The following IER3 variants were observed in gnomAD, a reference collection of about 807,000 sequenced individuals.
IER3 encodes the protein immediate early response 3.
IER3 carries 5 observed loss-of-function variants against 5.4 expected under a neutral mutation model. The observed-to-expected ratio is 0.92, with a 90% CI of 0.48 to 1.94. IER3 has a LOEUF of 1.94. Ranked by LOEUF, IER3 falls within the 30% of genes most tolerant of loss-of-function variation. The pLI is 0.01. For missense variants in IER3, 158 were observed against 218.2 expected (o/e 0.72, Z 1.74); for synonymous variants, 81 against 97.8 (o/e 0.83, Z 1.01).
In IER3 at chr6:30,744,305, T is replaced by C; in HGVS notation, c.210+4A>G. On this transcript the variant is annotated splice_donor_region_variant and intron_variant, in intron 1 of 1. Transcript: ENST00000259874. This position sits in a 1 kb window ranked among gnomAD's most constrained non-coding sequence, Gnocchi z 6.0. ...CCGCGAATGCCCACTTCGGCGATAC[T>C]CACCACTCGAGGGTAGAGAACCCTG... is the stretch of plus-strand genomic sequence containing the variant. 1 of 1,612,772 alleles carries C rather than the reference T, an allele frequency of 6.2e-7. No individual in the cohort carries two copies. Among genetic ancestry groups the C allele is most frequent in the Non-Finnish European group, 8.5e-7 (1 of 1,179,984 alleles).
In IER3 at chr6:30,744,361, C is replaced by T; in HGVS notation, c.158G>A (p.Ser53Asn). 1 of 1,609,364 alleles carries T rather than the reference C, an allele frequency of 6.2e-7. No homozygotes were observed. The highest frequency in any genetic ancestry group is 8.5e-7 in the Non-Finnish European group (1 of 1,178,834). The change falls in exon 1 of 2, where the codon AGC (serine) becomes AAC (asparagine). Residue 53 changes from serine (S) to asparagine (N), a missense_variant. Transcript: ENST00000259874. This position sits in a 1 kb window ranked among gnomAD's most constrained non-coding sequence, Gnocchi z 6.0. Reference protein sequence around the residue: ...EPAAAPAGRPSASRGHRKRSR... With the variant: ...EPAAAPAGRPNASRGHRKRSR... ...GCGCTTTCGGTGCCCGCGAGAGGCG[C>T]TGGGGCGCCCGGCAGGGGCCGCTGC...
rs1294407765 is a variant in IER3, at chr6:30,744,527, G to C, written c.-9C>G. On this transcript the variant is annotated 5_prime_UTR_variant, in exon 1 of 2. Coordinates refer to ENST00000259874, the MANE Select transcript of IER3 (RefSeq NM_003897.4). This position sits in a 1 kb window ranked among gnomAD's most constrained non-coding sequence, Gnocchi z 6.0. ...CTGCGAGAGTGACACATGGTGAGCC[G>C]AGCGGAGTGTAAGGCCAAGTGAGGG... is the stretch of plus-strand genomic sequence containing the variant. 1 of 1,476,526 alleles carries C rather than the reference G, an allele frequency of 6.8e-7. No individual in the cohort carries two copies. The highest frequency in any genetic ancestry group is 9.0e-7 in the Non-Finnish European group (1 of 1,116,850). 91.5% of individuals were successfully genotyped at this position (1,476,526 alleles called of 1,614,324 possible).
Position 30,743,979 on chromosome 6 carries a change from A to C in IER3, c.428T>G (p.Leu143Arg). The change falls in exon 2 of 2, where the codon CTG becomes CGG. Residue 143 changes from leucine to arginine, a missense_variant. Physicochemically the swap from Leu to Arg is moderately radical, Grantham distance 102. Coordinates refer to ENST00000259874, the MANE Select transcript of IER3 (RefSeq NM_003897.4). The surrounding 1 kb of genome is among the most constrained non-coding windows in gnomAD (Gnocchi z 6.5). ...NLTSEPSDYA[L>R]DLSTFLQQHP... is the part of the protein sequence containing the mutation. ...TTGCTGGAGGAAAGTGCTGAGGTCCAGAGCGTAGTCCGAGGGCTCCGAAGT... is the reference window on the plus strand; with the variant it reads ...TTGCTGGAGGAAAGTGCTGAGGTCCCGAGCGTAGTCCGAGGGCTCCGAAGT... The C allele has an allele frequency of 6.2e-7, 1 of 1,613,978 alleles. No homozygotes were observed. Among genetic ancestry groups the C allele is most frequent in the Non-Finnish European group, 8.5e-7 (1 of 1,180,002 alleles).
chr6:30,743,675 T>G lies in IER3; in HGVS notation c.*261A>C. 1.8e-6 allele frequency: 1 copy of G among 547,674 alleles called. No homozygotes were observed. The highest frequency in any genetic ancestry group is 3.2e-5 in the East Asian group (1 of 31,596). 33.9% of individuals were successfully genotyped at this position (547,674 alleles called of 1,614,324 possible). A position where few individuals can be genotyped will look rare whatever the true frequency, so the allele number is the denominator to read the frequency against. On this transcript the variant is annotated 3_prime_UTR_variant, in exon 2 of 2. Transcript: ENST00000259874. The surrounding 1 kb of genome is among the most constrained non-coding windows in gnomAD (Gnocchi z 6.5). ...GTACATAAATACATATAAATATTAA[T>G]TAGGAGCAATAAGAAATAAATTAAC...
In IER3 at chr6:30,743,594, AC is replaced by A; in HGVS notation, c.*341del. On this transcript the variant is annotated 3_prime_UTR_variant, in exon 2 of 2. Transcript: ENST00000259874. The surrounding 1 kb of genome is among the most constrained non-coding windows in gnomAD (Gnocchi z 6.5). ...ATTTACAGCAGGGGGAACATCTCAC[AC>A]CCTTGCATAAGTTAAAATAAATATT... The A allele has an allele frequency of 5.4e-6, 2 of 373,716 alleles. No individual in the cohort carries two copies. The highest frequency in any genetic ancestry group is 9.5e-6 in the Non-Finnish European group (2 of 210,348). The allele number at this position is 373,716 out of a possible 1,614,324, so 23.1% of individuals were successfully genotyped here.
Position 30,743,706 on chromosome 6 carries a change from T to C in IER3, c.*230A>G. On this transcript the variant is annotated 3_prime_UTR_variant, in exon 2 of 2. Coordinates refer to ENST00000259874, the MANE Select transcript of IER3 (RefSeq NM_003897.4). This position sits in a 1 kb window ranked among gnomAD's most constrained non-coding sequence, Gnocchi z 6.5. ...GCAATAAGAAATAAATTAACGACGC[T>C]CTCCTTCCCACCGGGCCTAGCCCCA... 1.8e-6 allele frequency: 1 copy of C among 564,092 alleles called. No homozygotes were observed. The highest frequency in any genetic ancestry group is 3.1e-6 in the Non-Finnish European group (1 of 325,814). The allele number at this position is 564,092 out of a possible 1,614,324, so 34.9% of individuals were successfully genotyped here.
At position 30,743,581 on chromosome 6, in the gene IER3, G is replaced by A. The variant is rs1378003862; in HGVS notation, c.*355C>T. 2.5e-5 allele frequency: 8 copies of A among 314,198 alleles called. No homozygotes were observed. The highest frequency in any genetic ancestry group is 4.6e-5 in the Non-Finnish European group (8 of 173,646). The allele number at this position is 314,198 out of a possible 1,614,324, so 19.5% of individuals were successfully genotyped here. A position where few individuals can be genotyped will look rare whatever the true frequency, so the allele number is the denominator to read the frequency against. On this transcript the variant is annotated 3_prime_UTR_variant, in exon 2 of 2. Coordinates refer to ENST00000259874, the MANE Select transcript of IER3 (RefSeq NM_003897.4). This position sits in a 1 kb window ranked among gnomAD's most constrained non-coding sequence, Gnocchi z 6.5. ...CCAAGAGACCTGCATTTACAGCAGG[G>A]GGAACATCTCACACCCTTGCATAAG... is the stretch of plus-strand genomic sequence containing the variant.
chr6:30,744,077 A>G lies in IER3; in HGVS notation c.330T>C (p.Pro110=), dbSNP rs765163179. Residue 110 remains proline, a synonymous_variant, in exon 2 of 2, where the codon CCT becomes CCC. Transcript: ENST00000259874. The surrounding 1 kb of genome is among the most constrained non-coding windows in gnomAD (Gnocchi z 6.0). The stretch of plus-strand genomic sequence containing the variant: ...ATGCGGCGTTAGGGGCGTCCTCTGG[A>G]GGCAGGGGCGCCGGCACACCCTCTT... ...MAEEGVPAPL[P]PEDAPNAASL... 1.2e-6 allele frequency: 2 copies of G among 1,614,062 alleles called. No homozygotes were observed. Among genetic ancestry groups the G allele is most frequent in the South Asian group, 2.2e-5 (2 of 91,080 alleles).
At position 30,743,439 on chromosome 6, in the gene IER3, C is replaced by G. The variant is rs1778170720; in HGVS notation, c.*497G>C. The G allele has an allele frequency of 6.0e-6, 1 of 165,916 alleles. No homozygotes were observed. The highest frequency in any genetic ancestry group is 1.3e-5 in the Non-Finnish European group (1 of 77,544). The allele number at this position is 165,916 out of a possible 1,614,324, so 10.3% of individuals were successfully genotyped here. On this transcript the variant is annotated 3_prime_UTR_variant, in exon 2 of 2. Transcript: ENST00000259874. The surrounding 1 kb of genome is among the most constrained non-coding windows in gnomAD (Gnocchi z 6.5). The stretch of plus-strand genomic sequence containing the variant: ...CACCTCCTAAACTTACGACCCACCA[C>G]CAGACTTCATCCCAGCCGGGACGTC...
Position 30,744,095 on chromosome 6 carries a change from A to G in IER3, c.312T>C (p.Gly104=). 6.2e-7 allele frequency: 1 copy of G among 1,613,868 alleles called. No homozygotes were observed. The highest frequency in any genetic ancestry group is 8.5e-7 in the Non-Finnish European group (1 of 1,179,928). Residue 104 remains glycine (G), a synonymous_variant, in exon 2 of 2, where the codon GGT becomes GGC. Coordinates refer to ENST00000259874, the MANE Select transcript of IER3 (RefSeq NM_003897.4). This position sits in a 1 kb window ranked among gnomAD's most constrained non-coding sequence, Gnocchi z 6.0. The part of the protein sequence containing the change: ...VFCQILMAEE[G]VPAPLPPEDA... ...CCTCTGGAGGCAGGGGCGCCGGCAC[A>G]CCCTCTTCAGCCATCAGGATCTGGC...
chr6:30,743,849 G>A lies in IER3; in HGVS notation c.*87C>T, dbSNP rs1778200736. 1.3e-6 allele frequency: 2 copies of A among 1,553,906 alleles called. No homozygotes were observed. The highest frequency in any genetic ancestry group is 8.7e-7 in the Non-Finnish European group (1 of 1,151,758). On this transcript the variant is annotated 3_prime_UTR_variant, in exon 2 of 2. Transcript: ENST00000259874. This position sits in a 1 kb window ranked among gnomAD's most constrained non-coding sequence, Gnocchi z 6.5. ...AGTTCAAGTTGCCTCGGAAGTCCCAGTTGGGGATACGCTCTCGCGCACCAG... is the reference window on the plus strand; with the variant it reads ...AGTTCAAGTTGCCTCGGAAGTCCCAATTGGGGATACGCTCTCGCGCACCAG...
chr6:30,743,585 A>C lies in IER3; in HGVS notation c.*351T>G. 1 of 317,102 alleles carries C rather than the reference A, an allele frequency of 3.2e-6. No homozygotes were observed. 19.6% of individuals were successfully genotyped at this position (317,102 alleles called of 1,614,324 possible). ...GAGACCTGCATTTACAGCAGGGGGAACATCTCACACCCTTGCATAAGTTAA... is the reference window on the plus strand; with the variant it reads ...GAGACCTGCATTTACAGCAGGGGGACCATCTCACACCCTTGCATAAGTTAA... On this transcript the variant is annotated 3_prime_UTR_variant, in exon 2 of 2. Coordinates refer to ENST00000259874, the MANE Select transcript of IER3 (RefSeq NM_003897.4). The surrounding 1 kb of genome is among the most constrained non-coding windows in gnomAD (Gnocchi z 6.5).
At position 30,744,130 on chromosome 6, in the gene IER3, T is replaced by C. The variant is rs894913242; in HGVS notation, c.277A>G (p.Ile93Val). The part of the protein sequence containing the change: ...AKRLLFLLLT[I>V]VFCQILMAEE... ...GCCATCAGGATCTGGCAGAAGACGA[T>C]GGTGAGCAGCAGAAAGAGAAGCCTT... Residue 93 changes from isoleucine to valine, a missense_variant, in exon 2 of 2, where the codon ATC (isoleucine) becomes GTC (valine). By Grantham distance (29) the Ile-to-Val change is conservative. Coordinates refer to ENST00000259874, the MANE Select transcript of IER3 (RefSeq NM_003897.4). This position sits in a 1 kb window ranked among gnomAD's most constrained non-coding sequence, Gnocchi z 6.0. 2.5e-6 allele frequency: 4 copies of C among 1,613,876 alleles called. No individual in the cohort carries two copies. Among genetic ancestry groups the C allele is most frequent in the Admixed American group, 1.7e-5 (1 of 59,986 alleles).
chr6:30,744,135 A>T lies in IER3; in HGVS notation c.272T>A (p.Leu91His). 1 of 1,614,034 alleles carries T rather than the reference A, an allele frequency of 6.2e-7. No homozygotes were observed. Among genetic ancestry groups the T allele is most frequent in the Non-Finnish European group, 8.5e-7 (1 of 1,180,012 alleles). Residue 91 changes from leucine (L) to histidine (H), a missense_variant, in exon 2 of 2, where the codon CTC (leucine) becomes CAC (histidine). Physicochemically the swap from Leu to His is moderately conservative, Grantham distance 99. Transcript: ENST00000259874. The surrounding 1 kb of genome is among the most constrained non-coding windows in gnomAD (Gnocchi z 6.0). Reference protein sequence around the residue: ...NPAKRLLFLLLTIVFCQILMA... With the variant: ...NPAKRLLFLLHTIVFCQILMA... ...CAGGATCTGGCAGAAGACGATGGTG[A>T]GCAGCAGAAAGAGAAGCCTTTTGGC... is the stretch of plus-strand genomic sequence containing the variant.
chr6:30,743,945 G>A lies in IER3; in HGVS notation c.462C>T (p.Ala154=), dbSNP rs764316095. The change falls in exon 2 of 2, where the codon GCC becomes GCT. Residue 154 remains alanine (A), a synonymous_variant. Transcript: ENST00000259874. The surrounding 1 kb of genome is among the most constrained non-coding windows in gnomAD (Gnocchi z 6.5). ...GTGCGGGGAGTCACAGTTAGAAGGC[G>A]GCCGGGTGTTGCTGGAGGAAAGTGC... ...DLSTFLQQHP[A]AF is the part of the protein sequence containing the mutation. 2.5e-6 allele frequency: 4 copies of A among 1,611,290 alleles called. No individual in the cohort carries two copies. In the South Asian group the frequency reaches 3.3e-5, roughly 13 times the overall value.
chr6:30,744,340 T>C lies in IER3; in HGVS notation c.179A>G (p.Lys60Arg), dbSNP rs773912691. 2 of 1,612,136 alleles carry C rather than the reference T, an allele frequency of 1.2e-6. No homozygotes were observed. The highest frequency in any genetic ancestry group is 1.7e-6 in the Non-Finnish European group (2 of 1,179,786). Residue 60 changes from lysine to arginine, a missense_variant, in exon 1 of 2, where the codon AAG (lysine) becomes AGG (arginine). By Grantham distance (26) the Lys-to-Arg change is conservative (BLOSUM62 2). Coordinates refer to ENST00000259874, the MANE Select transcript of IER3 (RefSeq NM_003897.4). This position sits in a 1 kb window ranked among gnomAD's most constrained non-coding sequence, Gnocchi z 6.0. ...GRPSASRGHR[K>R]RSRRVLYPRV... Reference sequence around the variant, plus strand: ...AGGGTAGAGAACCCTGCGGCTGCGCTTTCGGTGCCCGCGAGAGGCGCTGGG... The same window carrying C: ...AGGGTAGAGAACCCTGCGGCTGCGCCTTCGGTGCCCGCGAGAGGCGCTGGG...
In IER3 at chr6:30,744,184, G is replaced by A; in HGVS notation, c.223C>T (p.Leu75=). Reference sequence around the variant, plus strand: ...GCTGGGTTCGGTTCCTCGACTGGCAGCTGGCGCCGGACCTAAGGGGAGACA... The same window carrying A: ...GCTGGGTTCGGTTCCTCGACTGGCAACTGGCGCCGGACCTAAGGGGAGACA... The part of the protein sequence containing the change: ...VLYPRVVRRQ[L]PVEEPNPAKR... The change falls in exon 2 of 2, where the codon CTG becomes TTG. Residue 75 remains leucine (L), a synonymous_variant. Transcript: ENST00000259874. The surrounding 1 kb of genome is among the most constrained non-coding windows in gnomAD (Gnocchi z 6.0). 1 of 1,613,662 alleles carries A rather than the reference G, an allele frequency of 6.2e-7. No homozygotes were observed. The highest frequency in any genetic ancestry group is 1.3e-5 in the African/African-American group (1 of 75,054).
Position 30,744,395 on chromosome 6 carries a change from G to A in IER3, c.124C>T (p.Pro42Ser), listed in dbSNP as rs779548533. The A allele has an allele frequency of 6.3e-7, 1 of 1,588,182 alleles. No homozygotes were observed. Among genetic ancestry groups the A allele is most frequent in the Non-Finnish European group, 8.5e-7 (1 of 1,170,454 alleles). Residue 42 changes from proline (P) to serine (S), a missense_variant, in exon 1 of 2, where the codon CCG (proline) becomes TCG (serine). Coordinates refer to ENST00000259874, the MANE Select transcript of IER3 (RefSeq NM_003897.4). The surrounding 1 kb of genome is among the most constrained non-coding windows in gnomAD (Gnocchi z 6.0). Reference protein sequence around the residue: ...GPEIFTFDPLPEPAAAPAGRP... With the variant: ...GPEIFTFDPLSEPAAAPAGRP... ...CCGGCAGGGGCCGCTGCGGGCTCCG[G>A]GAGAGGGTCGAAGGTGAAGATCTCA...
chr6:30,744,414 G>A lies in IER3; in HGVS notation c.105C>T (p.Ile35=). ...PGPRRGSGPE[I]FTFDPLPEPA... ...GCTCCGGGAGAGGGTCGAAGGTGAA[G>A]ATCTCAGGACCGGAGCCCCGCCGGG... is the stretch of plus-strand genomic sequence containing the variant. The change falls in exon 1 of 2, where the codon ATC becomes ATT. Residue 35 remains isoleucine, a synonymous_variant. Transcript: ENST00000259874. The surrounding 1 kb of genome is among the most constrained non-coding windows in gnomAD (Gnocchi z 6.0). 6.4e-7 allele frequency: 1 copy of A among 1,572,596 alleles called. No individual in the cohort carries two copies. Among genetic ancestry groups the A allele is most frequent in the Non-Finnish European group, 8.6e-7 (1 of 1,163,800 alleles).
Sources: allele counts gnomAD v4.1 joint callset, GRCh38; gene constraint gnomAD v4.1.1; non-coding constraint Gnocchi (gnomAD v3.1); transcripts MANE v1.5; gene names NCBI Gene and HGNC (gene_info 2026-07-23, HGNC 2026-07-21).